CYP4F3: variants seen among roughly 807,000 people sequenced by gnomAD.
The protein encoded by CYP4F3 is cytochrome P450 family 4 subfamily F member 3.
A neutral mutation model predicts 54.8 loss-of-function variants in CYP4F3; 50 were observed. The observed-to-expected ratio is 0.91, with a 90% CI of 0.73 to 1.16. The LOEUF (loss-of-function observed/expected upper bound fraction) is 1.16. CYP4F3 is among the 50% of genes most tolerant of loss of function. The pLI is 0.00. For synonymous variants in CYP4F3, 244 were observed against 262.6 expected, an observed-to-expected ratio of 0.93 and a Z score of 0.69; for missense variants, 715 against 676.2, an observed-to-expected ratio of 1.06 and a Z score of -0.64.
At chr19:15,650,866 C>CTTTCTTTG (rs1230234590) in intron 7 of CYP4F3, among the ~76,000 whole-genome samples, 495 of 47,114 alleles carry the variant, frequency 0.011, 135 homozygotes, top group African/African-American at 0.017. Context: ...TTCTTTCTTT[C>CTTTCTTTG]TTTTTCTCTC....
At chr19:15,655,332 C>G (rs904078410) in intron 9 of CYP4F3, among the ~76,000 whole-genome samples, 4 of 152,088 alleles carry the variant, frequency 2.6e-5, no homozygotes, top group Admixed American at 6.6e-5. Flanking sequence ...GTTGATTCTT[C>G]GCTTTGTTGA....
At chr19:15,653,133 C>T (rs1162716204) in intron 9 of CYP4F3, among the ~76,000 whole-genome samples, 181 bp downstream of exon 9, 3 of 152,090 alleles carry the variant, frequency 2.0e-5, no homozygotes, top group Non-Finnish European at 4.4e-5. Context: ...GGTTATAGGC[C>T]CTTAGGACAG....
At chr19:15,655,421 A>G (rs919849998) in intron 9 of CYP4F3, among the ~76,000 whole-genome samples, 4 of 152,180 alleles carry the variant, frequency 2.6e-5, no homozygotes, top group Non-Finnish European at 5.9e-5. Context: ...GAGGTCTTAC[A>G]TAGAAAGTCT....
chr19:15,658,852 G>C, intron 12 of CYP4F3, 43 bp downstream of exon 12: 1 of 1,608,154 alleles, frequency 6.2e-7, no homozygotes, highest in Non-Finnish European at 8.5e-7. Flanking sequence ...GGAGATAGGT[G>C]CAGGGGTCTG....
chr19:15,653,641 C>T (rs576964903), intron 9 of CYP4F3, among the ~76,000 whole-genome samples: 3 of 151,682 alleles, frequency 2.0e-5, no homozygotes, highest in Non-Finnish European at 4.4e-5. Context: ...AGTTGAAAGC[C>T]TGAATAATGA....
intron 3 of CYP4F3, among the ~76,000 whole-genome samples, chr19:15,646,718 A>G (rs2072598): frequency 0.46 from 69,881 of 151,926 alleles, 17,372 homozygotes; most frequent in East Asian, 0.68. Context: ...GGGTGTCCTA[A>G]GTCCTTGTGA....
chr19:15,662,484 C>T lies in CYP4F3; in HGVS notation c.*3099C>T, dbSNP rs1032798432. ...TATCTTTAAAGGAGTAATGGGAATC[C>T]TTCAACTACATTTTTTCCCCAATAA... On this transcript the variant is annotated 3_prime_UTR_variant, in exon 13 of 13. Coordinates refer to ENST00000221307, the MANE Select transcript of CYP4F3 (RefSeq NM_000896.3). 1 of 119,686 alleles carries T rather than the reference C, an allele frequency of 8.4e-6. No individual in the cohort carries two copies. Among genetic ancestry groups the T allele is most frequent in the African/African-American group, 3.4e-5 (1 of 29,374 alleles). 7.4% of individuals were successfully genotyped at this position (119,686 alleles called of 1,614,324 possible). A position where few individuals can be genotyped will look rare whatever the true frequency, so the allele number is the denominator to read the frequency against.
At chr19:15,646,003 A>G (rs1972615361) in intron 3 of CYP4F3, 140 bp downstream of exon 3, 1 of 1,251,764 alleles carries the variant, frequency 8.0e-7, no homozygotes. Context: ...CACTGCTTCC[A>G]TCTCCCCTGG....
chr19:15,653,651 A>T (rs1972928348), intron 9 of CYP4F3, among the ~76,000 whole-genome samples: 1 of 151,886 alleles, frequency 6.6e-6, no homozygotes, highest in African/African-American at 2.4e-5. Flanking sequence ...CTGAATAATG[A>T]TCAGTAGATA....
At chr19:15,657,525 G>T (rs1443684977) in intron 9 of CYP4F3, among the ~76,000 whole-genome samples, 1 of 152,132 alleles carries the variant, frequency 6.6e-6, no homozygotes, top group Admixed American at 6.6e-5. Context: ...CTAACCTCAG[G>T]TGATCTGCCT....
rs1337890274 is a variant in CYP4F3, at chr19:15,658,917, C to T, written c.1397+108C>T. On this transcript the variant is annotated intron_variant, in intron 12 of 12. Coordinates refer to ENST00000221307, the MANE Select transcript of CYP4F3 (RefSeq NM_000896.3). ...GTAGACGGTCCGAGTTCCAGCTCTC[C>T]TTCCCTCACCTCCTCTGGAGTTTAT... The T allele has an allele frequency of 3.2e-5, 46 of 1,420,250 alleles. No homozygotes were observed. The South Asian group carries it at 3.4e-4, about 10-fold the overall frequency. The allele number at this position is 1,420,250 out of a possible 1,614,324, so 88.0% of individuals were successfully genotyped here. A position where few individuals can be genotyped will look rare whatever the true frequency, so the allele number is the denominator to read the frequency against.
At chr19:15,641,755 T>A in intron 2 of CYP4F3, 142 bp downstream of exon 2, 2 of 974,340 alleles carry the variant, frequency 2.1e-6, no homozygotes, top group Non-Finnish European at 3.1e-6. Flanking sequence ...ATTCCTCTGC[T>A]TACTCATTTC....
In CYP4F3 at chr19:15,660,716, C is replaced by T. The variant is rs1389211935; in HGVS notation, c.*1331C>T. 1.8e-5 allele frequency: 2 copies of T among 114,024 alleles called. No individual in the cohort carries two copies. The highest frequency in any genetic ancestry group is 3.4e-5 in the Non-Finnish European group (2 of 58,154). 7.1% of individuals were successfully genotyped at this position (114,024 alleles called of 1,614,324 possible). A position where few individuals can be genotyped will look rare whatever the true frequency, so the allele number is the denominator to read the frequency against. On this transcript the variant is annotated 3_prime_UTR_variant, in exon 13 of 13. Coordinates refer to ENST00000221307, the MANE Select transcript of CYP4F3 (RefSeq NM_000896.3). ...GTAGACAAGACTTTGACAGGGGTGC[C>T]TAATTTTTTTTTTTTTTTGAGATGG...
At chr19:15,646,167 G>C (rs1002081258) in intron 3 of CYP4F3, among the ~76,000 whole-genome samples, 1 of 152,162 alleles carries the variant, frequency 6.6e-6, no homozygotes, top group African/African-American at 2.4e-5. Flanking sequence ...GTTATACCCG[G>C]TTACATCTGG....
intron 9 of CYP4F3, 108 bp from the exon 10 acceptor site, chr19:15,658,156 A>G (rs1196889160): frequency 2.4e-5 from 38 of 1,555,146 alleles, no homozygotes; most frequent in Non-Finnish European, 2.9e-5. Flanking sequence ...TTCTTTTAAA[A>G]AGTTTATTTC....
intron 2 of CYP4F3, 98 bp downstream of exon 2, chr19:15,641,711 G>A: frequency 7.9e-7 from 1 of 1,268,522 alleles, no homozygotes. Flanking sequence ...GCTGGGGTCT[G>A]GGGTGGCAGA....
rs1455714222 is a variant in CYP4F3 at position 15,662,454 on chromosome 19, T to C, written c.*3069T>C. ...CACTGCCCTAGTCACTGTTGCATTATAGTATATCTTTAAAGGAGTAATGGG... is the reference window on the plus strand; with the variant it reads ...CACTGCCCTAGTCACTGTTGCATTACAGTATATCTTTAAAGGAGTAATGGG... On this transcript the variant is annotated 3_prime_UTR_variant, in exon 13 of 13. Coordinates refer to ENST00000221307, the MANE Select transcript of CYP4F3 (RefSeq NM_000896.3). 2.3e-5 allele frequency: 3 copies of C among 132,832 alleles called. No homozygotes were observed. The highest frequency in any genetic ancestry group is 3.3e-5 in the Non-Finnish European group (2 of 60,808). 8.2% of individuals were successfully genotyped at this position (132,832 alleles called of 1,614,324 possible).
chr19:15,649,049 G>A, intron 5 of CYP4F3, 111 bp from the exon 6 acceptor site: 1 of 1,505,684 alleles, frequency 6.6e-7, no homozygotes, highest in South Asian at 1.3e-5. Flanking sequence ...AAGGGTCCCT[G>A]GGGAGAAGAT....
Position 15,649,244 on chromosome 19 carries a change from CA to C in CYP4F3, c.611del (p.Gln204ArgfsTer29). On this transcript the variant is annotated frameshift_variant, in exon 6 of 13. Transcript: ENST00000221307. LOFTEE classifies it high-confidence loss of function. ...CAGCCTCATGACCTTGGACAGTCTG[CA>C]GAAATGTGTCTTCAGCTTTGACAGC... ...HISLMTLDSL[Q>X]KCVFSFDSHC... The C allele has an allele frequency of 6.2e-7, 1 of 1,613,230 alleles. No individual in the cohort carries two copies.
Sources: allele counts gnomAD v4.1 joint callset (sites outside exome capture counted in the v4.1 genomes callset), GRCh38; gene constraint gnomAD v4.1.1; transcripts MANE v1.5; gene names NCBI Gene and HGNC (gene_info 2026-07-23, HGNC 2026-07-21).